MYLK3: variants seen among roughly 807,000 people sequenced by gnomAD.
MYLK3 encodes the protein myosin light chain kinase 3.
In MYLK3, 55 loss-of-function variants were observed where a neutral mutation model predicts 76.3. That is an observed-to-expected ratio of 0.72 (90% CI 0.58 to 0.90). The LOEUF is 0.90. Among genes scored for constraint, MYLK3 ranks in the 40% least tolerant of loss-of-function variants. The pLI is 0.00. For synonymous variants in MYLK3, 416 were observed against 425.4 expected (o/e 0.98, Z 0.27); for missense variants, 973 against 1,053.6 (o/e 0.92, Z 1.06).
chr16:46,757,450 C>T (rs1967215229), intron 1 of MYLK3: 10 of 985,432 alleles, frequency 1.0e-5, no homozygotes, highest in South Asian at 9.4e-5. Flanking sequence ...ACCCGACGCC[C>T]GCTGCTGGCC....
chr16:46,713,505 A>G (rs1338445017), intron 9 of MYLK3, among the ~76,000 whole-genome samples: 1 of 152,146 alleles, frequency 6.6e-6, no homozygotes, highest in Non-Finnish European at 1.5e-5. Flanking sequence ...GCCGGTATAT[A>G]TGATGCTTTG....
At chr16:46,741,934 C>G (rs4967393) in intron 1 of MYLK3, among the ~76,000 whole-genome samples, 27,725 of 152,094 alleles carry the variant, frequency 0.18, 2,941 homozygotes, top group African/African-American at 0.28. Context: ...CCACCTCCAG[C>G]TAATTGTTGG....
Position 46,747,663 on chromosome 16 carries a change from T to A in MYLK3, c.477+54A>T, listed in dbSNP as rs575416425. The A allele has an allele frequency of 2.6e-6, 4 of 1,543,262 alleles. No homozygotes were observed. In the African/African-American group the frequency reaches 4.1e-5, roughly 16 times the overall value. ...CCAAACACTGGCTGCCTGGCCAGTC[T>A]CCCACCAGGGCCGGGGCCTCCCATC... On this transcript the variant is annotated intron_variant, in intron 1 of 12. Coordinates refer to ENST00000394809, the MANE Select transcript of MYLK3 (RefSeq NM_182493.3).
At chr16:46,731,203 A>T (rs191041538) in intron 4 of MYLK3, among the ~76,000 whole-genome samples, 1 of 152,228 alleles carries the variant, frequency 6.6e-6, no homozygotes, top group Non-Finnish European at 1.5e-5. Context: ...TCAGCATGAC[A>T]GCCCGTGATG....
At chr16:46,731,635 G>T (rs1966852720) in intron 4 of MYLK3, among the ~76,000 whole-genome samples, 1 of 152,190 alleles carries the variant, frequency 6.6e-6, no homozygotes, top group African/African-American at 2.4e-5. Context: ...AGGGCTTTTA[G>T]ATCATAAGAA....
intron 1 of MYLK3, among the ~76,000 whole-genome samples, chr16:46,746,771 G>A (rs889794594): frequency 2.6e-5 from 4 of 152,150 alleles, no homozygotes. Flanking sequence ...ACACTGCCCT[G>A]CAGGCCAAGT....
chr16:46,746,244 T>C lies in MYLK3; in HGVS notation c.477+1473A>G, dbSNP rs1490681043. Among the ~76,000 whole-genome samples the C allele has an allele frequency of 2.0e-5, 3 of 152,132 alleles. No homozygotes were observed. The East Asian group carries it at 5.8e-4, about 29-fold the overall frequency. ...ATGTAGATGCTATATGAGAAGTTGTTATACTATTGTATAACAACTGTATTA... is the reference window on the plus strand; with the variant it reads ...ATGTAGATGCTATATGAGAAGTTGTCATACTATTGTATAACAACTGTATTA... On this transcript the variant is annotated intron_variant, in intron 1 of 12. Transcript: ENST00000394809.
chr16:46,715,447 C>CT (rs1407765869), intron 9 of MYLK3, among the ~76,000 whole-genome samples: 1 of 152,208 alleles, frequency 6.6e-6, no homozygotes, highest in Non-Finnish European at 1.5e-5. Flanking sequence ...AAAACGCTCT[C>CT]TTCATATTCT....
chr16:46,719,631 G>A (rs1275500067), intron 9 of MYLK3, among the ~76,000 whole-genome samples: 1 of 152,242 alleles, frequency 6.6e-6, no homozygotes, highest in Non-Finnish European at 1.5e-5. Context: ...GGTGAAGGGA[G>A]CCACTGAGTG....
intron 1 of MYLK3, among the ~76,000 whole-genome samples, chr16:46,747,093 C>T (rs1198524652): frequency 1.3e-5 from 2 of 152,172 alleles, no homozygotes; most frequent in Admixed American, 6.5e-5. Flanking sequence ...GACCTCACCC[C>T]CCATATCCTT....
intron 4 of MYLK3, among the ~76,000 whole-genome samples, chr16:46,731,357 A>C (rs1966852202): frequency 6.6e-6 from 1 of 152,230 alleles, no homozygotes; most frequent in Non-Finnish European, 1.5e-5. Flanking sequence ...GTTTTATTTT[A>C]ATCTTGTCCT....
At chr16:46,748,418 G>C, upstream of MYLK3, 2 of 769,444 alleles carry the variant, frequency 2.6e-6, no homozygotes, top group Non-Finnish European at 3.9e-6. The surrounding 1 kb of genome is among the most constrained non-coding windows in gnomAD (Gnocchi z 4.3). Flanking sequence ...GCCTGTGAGT[G>C]ACAGGCCGAG....
rs1010345705 is a variant in MYLK3 at position 46,756,157 on chromosome 16, G to A, written c.-114+6883C>T. Among the ~76,000 whole-genome samples, 3 of 152,076 alleles carry A rather than the reference G, an allele frequency of 2.0e-5. No individual in the cohort carries two copies. In the South Asian group the frequency reaches 6.2e-4, roughly 32 times the overall value. On this transcript the variant is annotated intron_variant, in intron 1 of 11. Transcript: ENST00000536476. The stretch of plus-strand genomic sequence containing the variant: ...ACTCCTAAGCTCAGGCAATCCACCC[G>A]CCTTGGTCTCCCAAAGTGCTAGGAT...
At chr16:46,755,906 CTTTTTT>C (rs772833701) in intron 1 of MYLK3, among the ~76,000 whole-genome samples, 1 of 109,772 alleles carries the variant, frequency 9.1e-6, no homozygotes, top group African/African-American at 3.8e-5. Flanking sequence ...TTTTTTCTTT[CTTTTTT>C]TTTTTTTTTT....
chr16:46,751,136 C>A (rs1447079599), upstream of MYLK3, among the ~76,000 whole-genome samples: 1 of 148,372 alleles, frequency 6.7e-6, no homozygotes. Context: ...TGAGGCCGGG[C>A]GTGGTGGCTC....
rs1235695848 is a variant in MYLK3 at position 46,729,663 on chromosome 16, C to T, written c.1593G>A (p.Arg531=). The T allele has an allele frequency of 4.3e-6, 7 of 1,613,584 alleles. No individual in the cohort carries two copies. The highest frequency in any genetic ancestry group is 5.9e-6 in the Non-Finnish European group (7 of 1,179,790). Residue 531 remains arginine (R), a synonymous_variant, in exon 6 of 13, where the codon AGG becomes AGA. Transcript: ENST00000394809. The stretch of plus-strand genomic sequence containing the variant: ...GGAGGCCTGTGGACTTCTCTGTGCA[C>T]CTGTGGACCTGGCCAAACCGACCCC... ...LGGGRFGQVH[R]CTEKSTGLPL... is the part of the protein sequence containing the mutation.
intron 9 of MYLK3, among the ~76,000 whole-genome samples, chr16:46,719,508 G>T (rs918050098): frequency 2.6e-5 from 4 of 152,100 alleles, no homozygotes; most frequent in Non-Finnish European, 5.9e-5. Context: ...CCACTGCCAA[G>T]AACCCACACC....
At position 46,706,203 on chromosome 16, in the gene MYLK3, A is replaced by G. The variant is rs942849938; in HGVS notation, c.*1501T>C. ...CTAATGTTGACTGGAAGCCCTATCA[A>G]TAATATAAACAGTCAGTTAATACCC... is the stretch of plus-strand genomic sequence containing the variant. On this transcript the variant is annotated 3_prime_UTR_variant, in exon 13 of 13. Transcript: ENST00000394809. 1 of 152,144 alleles carries G rather than the reference A, an allele frequency of 6.6e-6. No homozygotes were observed. The highest frequency in any genetic ancestry group is 2.4e-5 in the African/African-American group (1 of 41,420). The allele number at this position is 152,144 out of a possible 1,614,324, so 9.4% of individuals were successfully genotyped here.
chr16:46,752,287 G>C (rs567335708), upstream of MYLK3, among the ~76,000 whole-genome samples: 10 of 152,182 alleles, frequency 6.6e-5, no homozygotes, highest in African/African-American at 2.2e-4. Flanking sequence ...CCAGGCTGGA[G>C]TGCAATGGCA....
Sources: gnomAD v4.1 joint callset for allele counts (sites outside exome capture counted in the v4.1 genomes callset) on GRCh38, gnomAD v4.1.1 for gene constraint, Gnocchi (gnomAD v3.1) non-coding constraint, MANE v1.5 for transcripts, NCBI Gene and HGNC (gene_info 2026-07-23, HGNC 2026-07-21) for gene names.